CFAP20DC: variants seen among roughly 807,000 people sequenced by gnomAD.
CFAP20DC encodes the protein CFAP20 domain containing.
In CFAP20DC, 84 loss-of-function variants were observed where a neutral mutation model predicts 101.7. The observed-to-expected ratio is 0.83, with a 90% confidence interval of 0.69 to 0.99. The LOEUF is 0.99. Among genes scored for constraint, CFAP20DC ranks in the 50% least tolerant of loss-of-function variants. The probability of loss-of-function intolerance (pLI) is 0.00; values close to 1 mark genes in which losing one functional copy is unlikely to be tolerated. For synonymous variants in CFAP20DC, 359 were observed against 351.2 expected, an observed-to-expected ratio of 1.02 and a Z score of -0.25; for missense variants, 1,007 against 970.3, an observed-to-expected ratio of 1.04 and a Z score of -0.50.
At chr3:58,821,518 T>A (rs951530169) in intron 14 of CFAP20DC, among the ~76,000 whole-genome samples, 5 of 151,542 alleles carry the variant, frequency 3.3e-5, no homozygotes, top group Admixed American at 6.6e-5. Context: ...AGAAGACATT[T>A]ATGCAGCCAA....
chr3:58,754,440 C>G (rs1453093177), intron 15 of CFAP20DC, among the ~76,000 whole-genome samples: 2 of 152,162 alleles, frequency 1.3e-5, no homozygotes, highest in Non-Finnish European at 2.9e-5. Context: ...CTCTTGCTTC[C>G]TCTCGTAGAT....
chr3:58,748,471 C>A (rs1403395812), intron 16 of CFAP20DC, among the ~76,000 whole-genome samples: 2 of 152,084 alleles, frequency 1.3e-5, no homozygotes, highest in African/African-American at 2.4e-5. Context: ...AAAGAAGGCA[C>A]CTCTTGATAC....
chr3:58,789,874 G>T (rs1177436108), intron 15 of CFAP20DC, among the ~76,000 whole-genome samples: 2 of 152,054 alleles, frequency 1.3e-5, no homozygotes, highest in Non-Finnish European at 2.9e-5. Context: ...ATTATTCATG[G>T]TGTTACTGAG....
At chr3:58,789,900 A>C (rs185655527) in intron 15 of CFAP20DC, among the ~76,000 whole-genome samples, 4 of 152,298 alleles carry the variant, frequency 2.6e-5, no homozygotes, top group Admixed American at 2.6e-4. Context: ...ATTCCACTTA[A>C]ATATAGTCTC....
intron 4 of CFAP20DC, among the ~76,000 whole-genome samples, chr3:59,032,592 C>T (rs1453323989): frequency 6.6e-6 from 1 of 152,216 alleles, no homozygotes; most frequent in Non-Finnish European, 1.5e-5. Context: ...GAAATTCGAA[C>T]TAGGCAGAGA....
intron 4 of CFAP20DC, among the ~76,000 whole-genome samples, chr3:58,938,990 C>T (rs1404630689): frequency 1.3e-5 from 2 of 152,104 alleles, no homozygotes; most frequent in Non-Finnish European, 2.9e-5. Context: ...GATGTATATA[C>T]ATATATGTAA....
rs1450125013 is a variant in CFAP20DC at position 59,001,957 on chromosome 3, T to C, written c.278+37600A>G. On this transcript the variant is annotated intron_variant, in intron 4 of 16. Transcript: ENST00000482387. The surrounding 1 kb of genome is among the most constrained non-coding windows in gnomAD (Gnocchi z 4.5). ...ACAGAGACATTCTAAATTGAAAAAG[T>C]GAACTATTAAACAAAAATGTAAGTA... is the stretch of plus-strand genomic sequence containing the variant. Among the ~76,000 whole-genome samples, 4 of 152,086 alleles carry C rather than the reference T, an allele frequency of 2.6e-5. No homozygotes were observed. The highest frequency in any genetic ancestry group is 5.9e-5 in the Non-Finnish European group (4 of 68,014).
intron 15 of CFAP20DC, among the ~76,000 whole-genome samples, chr3:58,782,087 C>T (rs1363928220): frequency 2.0e-5 from 3 of 151,806 alleles, no homozygotes; most frequent in Non-Finnish European, 4.4e-5. Flanking sequence ...AAAGATCAAG[C>T]GGGATTTATC....
chr3:58,951,575 C>A (rs1247943446), intron 4 of CFAP20DC, among the ~76,000 whole-genome samples: 3 of 152,058 alleles, frequency 2.0e-5, no homozygotes, highest in East Asian at 1.9e-4. Context: ...TACTATGCAG[C>A]CATAAAAAAT....
intron 4 of CFAP20DC, among the ~76,000 whole-genome samples, chr3:58,983,143 C>T (rs1010270962): frequency 6.6e-6 from 1 of 152,124 alleles, no homozygotes; most frequent in Admixed American, 6.6e-5. Flanking sequence ...TAAATCATTA[C>T]AGTTTGTTTT....
intron 13 of CFAP20DC, among the ~76,000 whole-genome samples, chr3:58,845,293 A>G (rs879417984): frequency 1.3e-5 from 2 of 151,818 alleles, no homozygotes; most frequent in African/African-American, 4.8e-5. Flanking sequence ...AAAAGAGAGA[A>G]GAATCAAATA....
chr3:58,761,636 C>G (rs973418628), intron 15 of CFAP20DC, among the ~76,000 whole-genome samples: 4 of 152,104 alleles, frequency 2.6e-5, no homozygotes, highest in Non-Finnish European at 5.9e-5. Context: ...GTTAGGGTGT[C>G]AATTTTAGAT....
At chr3:58,933,340 A>G (rs1176689416) in intron 5 of CFAP20DC, among the ~76,000 whole-genome samples, 1 of 151,530 alleles carries the variant, frequency 6.6e-6, no homozygotes, top group Non-Finnish European at 1.5e-5. Context: ...TTAACACCCC[A>G]CTGTCAACAT....
At chr3:58,828,995 C>T (rs2076221830) in intron 14 of CFAP20DC, among the ~76,000 whole-genome samples, 1 of 151,998 alleles carries the variant, frequency 6.6e-6, no homozygotes, top group Non-Finnish European at 1.5e-5. Context: ...AAATTCCTGG[C>T]TAAAGGATCA....
At chr3:58,966,904 G>T (rs1488243962) in intron 4 of CFAP20DC, among the ~76,000 whole-genome samples, 5 of 152,036 alleles carry the variant, frequency 3.3e-5, no homozygotes, top group Admixed American at 3.3e-4. Context: ...TTTTTAAGAT[G>T]GCAATATTCC....
chr3:59,028,377 T>C (rs2093929721), intron 4 of CFAP20DC, among the ~76,000 whole-genome samples: 1 of 152,204 alleles, frequency 6.6e-6, no homozygotes, highest in African/African-American at 2.4e-5. Flanking sequence ...TTAGCTCTTA[T>C]AAAGGTAAAG....
chr3:59,038,961 A>G (rs951101012), intron 4 of CFAP20DC, among the ~76,000 whole-genome samples: 3 of 152,080 alleles, frequency 2.0e-5, no homozygotes, highest in African/African-American at 7.2e-5. Flanking sequence ...TTATTAATAA[A>G]ATCTTCAACA....
intron 3 of CFAP20DC, among the ~76,000 whole-genome samples, chr3:58,725,207 TC>T (rs147861097): frequency 0.016 from 2,487 of 152,282 alleles, 23 homozygotes; most frequent in Non-Finnish European, 0.024. Flanking sequence ...CAGTGAAAGT[TC>T]CTTAGCTGTT....
intron 6 of CFAP20DC, among the ~76,000 whole-genome samples, chr3:58,890,568 A>AC (rs1477850643): frequency 1.7e-4 from 22 of 128,292 alleles, no homozygotes; most frequent in Middle Eastern, 5.4e-3. Flanking sequence ...TGGGGGGCTG[A>AC]CCCCCCCACC....
Sources: gnomAD v4.1 joint callset for allele counts (sites outside exome capture counted in the v4.1 genomes callset) on GRCh38, gnomAD v4.1.1 for gene constraint, Gnocchi (gnomAD v3.1) non-coding constraint, MANE v1.5 for transcripts, NCBI Gene and HGNC (gene_info 2026-07-23, HGNC 2026-07-21) for gene names.